CPNE7: variants seen among roughly 807,000 people sequenced by gnomAD.
The protein encoded by CPNE7 is copine-7.
CPNE7 carries 78 observed loss-of-function variants against 66.5 expected under a neutral mutation model. The observed-to-expected ratio is 1.17, with a 90% CI of 0.98 to 1.42. The LOEUF (loss-of-function observed/expected upper bound fraction) is 1.42, where lower values mean the gene tolerates loss of function less well. Among genes scored for constraint, CPNE7 ranks in the 40% most tolerant of loss-of-function variants. The probability of loss-of-function intolerance (pLI) is 0.00; values close to 1 mark genes in which losing one functional copy is unlikely to be tolerated. For synonymous variants in CPNE7, 468 were observed against 336.7 expected, an observed-to-expected ratio of 1.39 and a Z score of -4.27; for missense variants, 1,012 against 776.6, an observed-to-expected ratio of 1.30 and a Z score of -3.60.
In CPNE7 at chr16:89,584,432, C is replaced by T. The variant is rs552994413; in HGVS notation, c.507+330C>T. On this transcript the variant is annotated intron_variant, in intron 4 of 14. Transcript: ENST00000319518. This position sits in a 1 kb window ranked among gnomAD's most constrained non-coding sequence, Gnocchi z 6.0. The stretch of plus-strand genomic sequence containing the variant: ...GGAACTGGAACAGCGCGCGGTTCTG[C>T]GGGCTCGTCACGTGGGTGGGCAGAA... Among the ~76,000 whole-genome samples the T allele has an allele frequency of 2.1e-4, 32 of 152,338 alleles. No homozygotes were observed. The South Asian group carries it at 5.0e-3, about 24-fold the overall frequency.
chr16:89,590,535 A>G (rs958674423), intron 11 of CPNE7, among the ~76,000 whole-genome samples: 7 of 151,862 alleles, frequency 4.6e-5, no homozygotes, highest in Admixed American at 1.3e-4. Flanking sequence ...AAAAAAGAAA[A>G]AAGAAAACAA....
intron 10 of CPNE7, among the ~76,000 whole-genome samples, chr16:89,589,195 G>A (rs991517002): frequency 6.6e-5 from 10 of 152,346 alleles, no homozygotes; most frequent in African/African-American, 2.2e-4. Context: ...AGGAGGCTGA[G>A]GCAGGAGAAT....
chr16:89,575,944 T>C lies in CPNE7; in HGVS notation c.47T>C (p.Leu16Ser). ...ERGAAATPGG[L>S]PAPCASKVEL... ...GGGGCGGCGGCAACCCCCGGGGGTT[T>C]GCCCGCGCCCTGCGCCTCGAAGGTG... The change falls in exon 1 of 15, where the codon TTG (leucine) becomes TCG (serine). Residue 16 changes from leucine to serine, a missense_variant. Physicochemically the swap from Leu to Ser is moderately radical, Grantham distance 145 (BLOSUM62 -2). Transcript: ENST00000319518. 7 of 1,328,780 alleles carry C rather than the reference T, an allele frequency of 5.3e-6. No individual in the cohort carries two copies. The highest frequency in any genetic ancestry group is 6.7e-6 in the Non-Finnish European group (7 of 1,039,796). 82.3% of individuals were successfully genotyped at this position (1,328,780 alleles called of 1,614,324 possible).
Position 89,584,017 on chromosome 16 carries a change from C to T in CPNE7, c.433-11C>T. The T allele has an allele frequency of 1.9e-6, 3 of 1,611,684 alleles. No individual in the cohort carries two copies. Among genetic ancestry groups the T allele is most frequent in the Non-Finnish European group, 2.5e-6 (3 of 1,179,438 alleles). On this transcript the variant is annotated splice_polypyrimidine_tract_variant and intron_variant, in intron 3 of 14. Coordinates refer to ENST00000319518, the MANE Select transcript of CPNE7 (RefSeq NM_153636.3). The surrounding 1 kb of genome is among the most constrained non-coding windows in gnomAD (Gnocchi z 6.0). The stretch of plus-strand genomic sequence containing the variant: ...CTGGCCAAGCCTGGAGCCCGGGCGT[C>T]CCCCTGCCAGGTGATCGCCGAGGAC...
At chr16:89,583,971 C>G in intron 3 of CPNE7, 57 bp from the exon 4 acceptor site, 6 of 1,588,950 alleles carry the variant, frequency 3.8e-6, no homozygotes, top group South Asian at 2.2e-5. Flanking sequence ...TCTGGTCCCC[C>G]ACGGTGGGGT....
At chr16:89,590,828 G>A (rs1465644383) in intron 11 of CPNE7, among the ~76,000 whole-genome samples, 179 bp from the exon 12 acceptor site, 1 of 87,912 alleles carries the variant, frequency 1.1e-5, no homozygotes, top group Non-Finnish European at 2.3e-5. Context: ...GGCCGGGGAC[G>A]GGGGGAGCAG....
Position 89,596,483 on chromosome 16 carries a change from G to T in CPNE7, c.1540-1G>T, listed in dbSNP as rs765318480. ...GGTAACTGCGTTGTCCCATCCTCCA[G>T]GCATCCCCTGCGGCGCTGGCCAAGT... On this transcript the variant is annotated splice_acceptor_variant, in intron 14 of 14. Coordinates refer to ENST00000319518, the MANE Select transcript of CPNE7 (RefSeq NM_153636.3). LOFTEE classifies it high-confidence loss of function. The T allele has an allele frequency of 1.2e-6, 2 of 1,605,108 alleles. No individual in the cohort carries two copies. Among genetic ancestry groups the T allele is most frequent in the South Asian group, 2.2e-5 (2 of 90,748 alleles).
Position 89,585,569 on chromosome 16 carries a change from G to C in CPNE7, c.681+16G>C. The C allele has an allele frequency of 6.2e-7, 1 of 1,601,574 alleles. No homozygotes were observed. The highest frequency in any genetic ancestry group is 8.5e-7 in the Non-Finnish European group (1 of 1,171,992). On this transcript the variant is annotated intron_variant, in intron 6 of 14. Transcript: ENST00000319518. ...GCCTCTAAAGGTGGGGGACGGGATG[G>C]ACCAAGGGGGCAGTGAGGGGGTGGC...
rs548818536 is a variant in CPNE7 at position 89,580,338 on chromosome 16, G to A, written c.357+2617G>A. ...ACACAGAACATCTCACCCGTCACAC[G>A]GAACATCCCATCACCCGTCACACGG... On this transcript the variant is annotated intron_variant, in intron 2 of 14. Coordinates refer to ENST00000319518, the MANE Select transcript of CPNE7 (RefSeq NM_153636.3). Among the ~76,000 whole-genome samples, 47 of 140,286 alleles carry A rather than the reference G, an allele frequency of 3.4e-4. 1 individual carries two copies. The highest frequency in any genetic ancestry group is 1.2e-3 in the African/African-American group (44 of 36,454). 92.0% of individuals were successfully genotyped at this position (140,286 alleles called of 152,430 possible). A position where few individuals can be genotyped will look rare whatever the true frequency, so the allele number is the denominator to read the frequency against.
At position 89,595,556 on chromosome 16, in the gene CPNE7, G is replaced by C. The variant is rs758258507; in HGVS notation, c.1492G>C (p.Ala498Pro). The change falls in exon 14 of 15, where the codon GCG becomes CCG. Residue 498 changes from alanine (A) to proline (P), a missense_variant. Physicochemically the swap from Ala to Pro is conservative, Grantham distance 27. Transcript: ENST00000319518. ...GVLRSPRGEP[A>P]LRDIVQFVPF... ...CCTGCGCTCCCCACGGGGTGAGCCCGCGCTCCGGGACATCGTACAGTTCGT... is the reference window on the plus strand; with the variant it reads ...CCTGCGCTCCCCACGGGGTGAGCCCCCGCTCCGGGACATCGTACAGTTCGT... 8 of 1,611,976 alleles carry C rather than the reference G, an allele frequency of 5.0e-6. No homozygotes were observed. The Admixed American group carries it at 1.3e-4, about 27-fold the overall frequency.
chr16:89,596,576 C>A lies in CPNE7; in HGVS notation c.1632C>A (p.Ser544Arg), dbSNP rs375681910. ...GCCACAGAGGCCTGCCCCCGAGAAG[C>A]CTGGGTGTCCCTGCCGGAGAGGCCA... ...YYSHRGLPPR[S>R]LGVPAGEASP... The change falls in exon 15 of 15, where the codon AGC becomes AGA. Residue 544 changes from serine (S) to arginine (R), a missense_variant. Coordinates refer to ENST00000319518, the MANE Select transcript of CPNE7 (RefSeq NM_153636.3). 2.5e-6 allele frequency: 4 copies of A among 1,608,160 alleles called. No individual in the cohort carries two copies. The African/African-American group carries it at 4.0e-5, about 16-fold the overall frequency.
chr16:89,578,234 T>C (rs2058892083), intron 2 of CPNE7, among the ~76,000 whole-genome samples: 1 of 151,862 alleles, frequency 6.6e-6, no homozygotes, highest in Non-Finnish European at 1.5e-5. Context: ...CCGGCTAATT[T>C]TTGTATTTTC....
At position 89,583,384 on chromosome 16, in the gene CPNE7, G is replaced by A. The variant is rs748539007; in HGVS notation, c.358-313G>A. ...GCCACACCTGTGCAGGTGCAGGCCA[G>A]CTGGGCTGTGAGCTGCTTCCTGGCT... On this transcript the variant is annotated intron_variant, in intron 2 of 14. Coordinates refer to ENST00000319518, the MANE Select transcript of CPNE7 (RefSeq NM_153636.3). 4.1e-5 allele frequency: 62 copies of A among 1,495,950 alleles called. 1 individual carries two copies. The East Asian group carries it at 1.5e-3, about 36-fold the overall frequency. The allele number at this position is 1,495,950 out of a possible 1,614,324, so 92.7% of individuals were successfully genotyped here.
chr16:89,596,440 C>A (rs766698324), intron 14 of CPNE7, 44 bp from the exon 15 acceptor site: 2 of 1,569,466 alleles, frequency 1.3e-6, no homozygotes, highest in Admixed American at 3.6e-5. Context: ...GGATGATCTC[C>A]ATCTCGAAGG....
At position 89,596,633 on chromosome 16, in the gene CPNE7, G is replaced by T; in HGVS notation, c.*12G>T. ...GCTGCACACCGTGAAGATGTGGAGG[G>T]CGTAGGGTGGGGGCAGTGAGGAATG... is the stretch of plus-strand genomic sequence containing the variant. On this transcript the variant is annotated 3_prime_UTR_variant, in exon 15 of 15. Coordinates refer to ENST00000319518, the MANE Select transcript of CPNE7 (RefSeq NM_153636.3). 1 of 1,588,346 alleles carries T rather than the reference G, an allele frequency of 6.3e-7. No individual in the cohort carries two copies. Among genetic ancestry groups the T allele is most frequent in the South Asian group, 1.1e-5 (1 of 89,322 alleles).
chr16:89,588,608 C>G, intron 9 of CPNE7, 67 bp from the exon 10 acceptor site: 2 of 1,598,870 alleles, frequency 1.3e-6, no homozygotes, highest in Non-Finnish European at 1.7e-6. Context: ...CGTGGTTTCT[C>G]TACCTGTCAG....
At chr16:89,589,628 C>T (rs975898236) in intron 10 of CPNE7, among the ~76,000 whole-genome samples, 10 of 152,242 alleles carry the variant, frequency 6.6e-5, no homozygotes, top group African/African-American at 2.2e-4. Context: ...TGAGAGCCCC[C>T]GGGGAGGCGT....
intron 13 of CPNE7, among the ~76,000 whole-genome samples, chr16:89,594,689 A>G (rs1230968777): frequency 2.6e-5 from 3 of 115,714 alleles, no homozygotes; most frequent in African/African-American, 3.5e-5. Flanking sequence ...GTCTCACTCT[A>G]TCGCCAGGCT....
intron 13 of CPNE7, among the ~76,000 whole-genome samples, chr16:89,592,596 C>T (rs866263090): frequency 6.6e-6 from 1 of 150,844 alleles, no homozygotes; most frequent in African/African-American, 2.4e-5. Context: ...GCTCCCGCCA[C>T]CACGCCCGGC....
Sources: allele counts gnomAD v4.1 joint callset (sites outside exome capture counted in the v4.1 genomes callset), GRCh38; gene constraint gnomAD v4.1.1; non-coding constraint Gnocchi (gnomAD v3.1); transcripts MANE v1.5; gene names NCBI Gene and HGNC (gene_info 2026-07-23, HGNC 2026-07-21).